The following QKI variants were observed in gnomAD, a reference collection of about 807,000 sequenced individuals.
QKI encodes KH domain-containing RNA-binding protein QKI.
A neutral mutation model predicts 39.0 loss-of-function variants in QKI; 10 were observed. The observed-to-expected ratio is 0.26, with a 90% CI of 0.16 to 0.43. QKI has a LOEUF of 0.43. Among genes scored for constraint, QKI ranks in the 20% least tolerant of loss-of-function variants. The pLI, the probability that QKI is intolerant of heterozygous loss-of-function variation, is 1.00. For missense variants in QKI, 218 were observed against 428.0 expected (o/e 0.51, Z 4.33); for synonymous variants, 204 against 155.4 (o/e 1.31, Z -2.33).
intron 1 of QKI, among the ~76,000 whole-genome samples, chr6:163,444,521 T>C (rs972600196): frequency 2.6e-4 from 38 of 146,700 alleles, no homozygotes; most frequent in Admixed American, 1.4e-4. Flanking sequence ...AGTGTGTGTG[T>C]TTTCTTTTAA....
chr6:163,529,124 T>TAGAA (rs1780689740), intron 3 of QKI, among the ~76,000 whole-genome samples: 1 of 152,090 alleles, frequency 6.6e-6, no homozygotes. Context: ...GAGAATTGAC[T>TAGAA]AGAAGTAAGA....
intron 3 of QKI, among the ~76,000 whole-genome samples, chr6:163,497,346 G>C (rs1366958538): frequency 6.6e-6 from 1 of 151,846 alleles, no homozygotes; most frequent in East Asian, 1.9e-4. Flanking sequence ...CAATTATTTT[G>C]CTGTTTAAAA....
rs950049745 is a variant in QKI, at chr6:163,567,628, T to A, written c.1009+833T>A. On this transcript the variant is annotated intron_variant, in intron 7 of 7. Transcript: ENST00000361752. ...TATGCCCTTGGACCCTTTTATAAAT[T>A]ATTTTTGCTTATTGAGGAATGGTAT... 3.0e-6 allele frequency: 3 copies of A among 984,692 alleles called. No individual in the cohort carries two copies. The African/African-American group carries it at 5.2e-5, about 17-fold the overall frequency. 61.0% of individuals were successfully genotyped at this position (984,692 alleles called of 1,614,324 possible).
At chr6:163,483,129 C>A (rs1793210346) in intron 3 of QKI, among the ~76,000 whole-genome samples, 1 of 152,202 alleles carries the variant, frequency 6.6e-6, no homozygotes, top group Non-Finnish European at 1.5e-5. Context: ...TTATACCATA[C>A]TATAGTCTAT....
intron 3 of QKI, among the ~76,000 whole-genome samples, chr6:163,491,513 A>C (rs1162459099): frequency 6.6e-6 from 1 of 151,910 alleles, no homozygotes. Context: ...TATAAAATAA[A>C]ATTCATTTTA....
intron 2 of QKI, among the ~76,000 whole-genome samples, chr6:163,469,568 A>C (rs1319702355): frequency 6.6e-6 from 1 of 152,164 alleles, no homozygotes; most frequent in Non-Finnish European, 1.5e-5. Context: ...CGTTATTCTC[A>C]ATCCTTCACA....
intron 1 of QKI, among the ~76,000 whole-genome samples, chr6:163,421,463 C>A (rs954323613): frequency 6.6e-6 from 1 of 152,116 alleles, no homozygotes; most frequent in Admixed American, 6.5e-5. Flanking sequence ...TTTTAAAAGT[C>A]CCCACATATA....
chr6:163,561,891 T>C, intron 4 of QKI, 91 bp from the exon 5 acceptor site: 1 of 953,788 alleles, frequency 1.0e-6, no homozygotes, highest in Non-Finnish European at 1.6e-6. Context: ...TGTAGTCACA[T>C]GATACTTACT....
intron 1 of QKI, among the ~76,000 whole-genome samples, chr6:163,446,498 C>A (rs1003700992): frequency 6.6e-6 from 1 of 152,090 alleles, no homozygotes; most frequent in Admixed American, 6.5e-5. Context: ...GCATCTTCTT[C>A]GGATATTCAT....
intron 3 of QKI, among the ~76,000 whole-genome samples, chr6:163,531,660 G>A (rs1451122781): frequency 6.6e-6 from 1 of 152,092 alleles, no homozygotes; most frequent in East Asian, 1.9e-4. Flanking sequence ...CTTCTTACGA[G>A]TTTGGACATT....
At position 163,452,192 on chromosome 6, in the gene QKI, C is replaced by T. The variant is rs79104133; in HGVS notation, c.143-3087C>T. 7.7e-4 allele frequency among the ~76,000 whole-genome samples: 118 copies of T among 152,288 alleles called. No individual in the cohort carries two copies. In the East Asian group the frequency reaches 0.018, roughly 23 times the overall value. On this transcript the variant is annotated intron_variant, in intron 1 of 7. Coordinates refer to ENST00000361752, the MANE Select transcript of QKI (RefSeq NM_006775.3). ...GCTCTGACTCGAGTGTTCTGAATAACACCAGAATGCTGATGATTTTCTACT... is the reference window on the plus strand; with the variant it reads ...GCTCTGACTCGAGTGTTCTGAATAATACCAGAATGCTGATGATTTTCTACT...
intron 4 of QKI, among the ~76,000 whole-genome samples, chr6:163,558,975 C>G (rs1688016883): frequency 6.6e-6 from 1 of 152,208 alleles, no homozygotes; most frequent in Non-Finnish European, 1.5e-5. Flanking sequence ...TTTTTATTCT[C>G]TTAGGGTGAT....
intron 7 of QKI, chr6:163,569,058 T>C: frequency 2.1e-6 from 2 of 967,566 alleles, no homozygotes; most frequent in Non-Finnish European, 2.5e-6. Flanking sequence ...TTAAACAGTT[T>C]TAATCAAAAC....
chr6:163,471,550 A>G (rs1229066669), intron 2 of QKI, among the ~76,000 whole-genome samples: 1 of 152,150 alleles, frequency 6.6e-6, no homozygotes, highest in East Asian at 1.9e-4. Flanking sequence ...AGGTCCTTGT[A>G]TTTGTATGGG....
At chr6:163,456,782 T>C (rs1790952368) in intron 2 of QKI, among the ~76,000 whole-genome samples, 1 of 152,094 alleles carries the variant, frequency 6.6e-6, no homozygotes, top group Non-Finnish European at 1.5e-5. Flanking sequence ...ATTAAAGGAA[T>C]AGTTGGAAAA....
chr6:163,504,235 G>C (rs2128232779), intron 3 of QKI, among the ~76,000 whole-genome samples: 1 of 152,186 alleles, frequency 6.6e-6, no homozygotes, highest in South Asian at 2.1e-4. Flanking sequence ...TTTTATACCA[G>C]TACCATAATG....
intron 3 of QKI, among the ~76,000 whole-genome samples, chr6:163,498,721 C>T (rs1443832105): frequency 6.6e-6 from 1 of 152,020 alleles, no homozygotes; most frequent in Non-Finnish European, 1.5e-5. Context: ...TGATTAAAAA[C>T]TGATTCTAGA....
chr6:163,548,267 C>A (rs2128245484), intron 4 of QKI, among the ~76,000 whole-genome samples: 1 of 152,294 alleles, frequency 6.6e-6, no homozygotes, highest in East Asian at 1.9e-4. Flanking sequence ...CACTGCCTTG[C>A]ACATACATAG....
rs35130458 is a variant in QKI at position 163,465,626 on chromosome 6, C to CAA, written c.285+10222_285+10223dup. 2.9e-3 allele frequency among the ~76,000 whole-genome samples: 281 copies of CAA among 95,738 alleles called. 1 individual carries two copies. Among genetic ancestry groups the CAA allele is most frequent in the African/African-American group, 8.9e-3 (245 of 27,530 alleles). The allele number at this position is 95,738 out of a possible 152,430, so 62.8% of individuals were successfully genotyped here. ...CCTGGGCAACAGAGCAAGACTGTCT[C>CAA]AAAAAAAAAAAAAAAAAAGTAAAAG... On this transcript the variant is annotated intron_variant, in intron 2 of 7. Transcript: ENST00000361752.
Sources: gnomAD v4.1 joint callset for allele counts (sites outside exome capture counted in the v4.1 genomes callset) on GRCh38, gnomAD v4.1.1 for gene constraint, MANE v1.5 for transcripts, NCBI Gene and HGNC (gene_info 2026-07-23, HGNC 2026-07-21) for gene names.